The following HSD17B2 variants were observed in gnomAD, a reference collection of about 807,000 sequenced individuals.
The protein encoded by HSD17B2 is hydroxysteroid 17-beta dehydrogenase 2, also known as 17-beta-hydroxysteroid dehydrogenase type 2.
Under a neutral mutation model 26.9 loss-of-function variants are expected in HSD17B2, and 32 were observed. The observed-to-expected ratio is 1.19, with a 90% CI of 0.90 to 1.60. The LOEUF is 1.60. Ranked by LOEUF, HSD17B2 falls within the 40% of genes most tolerant of loss-of-function variation. The probability of loss-of-function intolerance (pLI) is 0.00; values close to 1 mark genes in which losing one functional copy is unlikely to be tolerated. For missense variants in HSD17B2, 613 were observed against 468.6 expected (o/e 1.31, Z -2.85); for synonymous variants, 246 against 186.7 (o/e 1.32, Z -2.59).
At chr16:82,040,777 G>T (rs1295074970) in intron 1 of HSD17B2, among the ~76,000 whole-genome samples, 1 of 152,190 alleles carries the variant, frequency 6.6e-6, no homozygotes, top group Non-Finnish European at 1.5e-5. Flanking sequence ...TGCTAAGCTT[G>T]ACTTCAGAAC....
intron 1 of HSD17B2, among the ~76,000 whole-genome samples, chr16:82,050,186 C>G (rs1006385912): frequency 2.0e-5 from 3 of 152,204 alleles, no homozygotes; most frequent in African/African-American, 7.2e-5. Flanking sequence ...GCTTTATATG[C>G]TTGAAACTGA....
intron 1 of HSD17B2, among the ~76,000 whole-genome samples, chr16:82,063,548 C>CA (rs200549604): frequency 2.1e-3 from 317 of 150,384 alleles, no homozygotes; most frequent in Middle Eastern, 3.4e-3. Context: ...TACTGCCAAA[C>CA]AAAAAAAAAC....
At chr16:82,095,311 GGA>G (rs1451162674) in intron 4 of HSD17B2, 4 of 152,196 alleles carry the variant, frequency 2.6e-5, no homozygotes, top group African/African-American at 9.7e-5. Context: ...TGAAAAGAAA[GGA>G]GCAATTGAAA....
intron 3 of HSD17B2, 94 bp downstream of exon 3, chr16:82,071,221 A>G (rs1914691404): frequency 8.1e-7 from 1 of 1,227,034 alleles, no homozygotes; most frequent in Non-Finnish European, 1.2e-6. Context: ...CAGGGCATGC[A>G]AAGGCAGGGT....
intron 4 of HSD17B2, chr16:82,092,404 G>C (rs189520581): frequency 1.3e-5 from 2 of 152,162 alleles, no homozygotes; most frequent in African/African-American, 4.8e-5. Flanking sequence ...TGATTCAAGT[G>C]AAGATGTAAA....
chr16:82,057,949 G>A (rs138298036), intron 1 of HSD17B2, among the ~76,000 whole-genome samples: 45 of 152,116 alleles, frequency 3.0e-4, no homozygotes, highest in Non-Finnish European at 4.7e-4. Flanking sequence ...AAGGACATTA[G>A]GTAAAAGTAA....
chr16:82,068,143 A>C, intron 1 of HSD17B2, 27 bp from the exon 2 acceptor site: 1 of 1,599,594 alleles, frequency 6.3e-7, no homozygotes, highest in South Asian at 1.1e-5. Context: ...GTTTGACCTC[A>C]CTCCCTACTC....
At chr16:82,050,530 T>A (rs1914077405) in intron 1 of HSD17B2, among the ~76,000 whole-genome samples, 1 of 152,162 alleles carries the variant, frequency 6.6e-6, no homozygotes. Flanking sequence ...AGGTTGAGTG[T>A]CTTTTTCTGG....
chr16:82,096,487 G>A (rs1046289065), intron 4 of HSD17B2: 1 of 151,988 alleles, frequency 6.6e-6, no homozygotes, highest in African/African-American at 2.4e-5. Context: ...GCCTCCCAAA[G>A]TGCTGGGATT....
chr16:82,082,306 G>A (rs1356289323), intron 3 of HSD17B2, among the ~76,000 whole-genome samples: 1 of 152,024 alleles, frequency 6.6e-6, no homozygotes, highest in South Asian at 2.1e-4. Context: ...TTTGGGCAGA[G>A]GTAGCCAGAG....
At chr16:82,088,272 G>T (rs1904585161) in intron 3 of HSD17B2, among the ~76,000 whole-genome samples, 1 of 152,138 alleles carries the variant, frequency 6.6e-6, no homozygotes, top group African/African-American at 2.4e-5. Flanking sequence ...TTGGGCTATT[G>T]AGATATTATT....
At chr16:82,047,605 G>A (rs1421139055) in intron 1 of HSD17B2, among the ~76,000 whole-genome samples, 1 of 152,208 alleles carries the variant, frequency 6.6e-6, no homozygotes, top group Non-Finnish European at 1.5e-5. Context: ...GAGGATGTAG[G>A]AGACTGGGGT....
At position 82,062,853 on chromosome 16, in the gene HSD17B2, C is replaced by T. The variant is rs544500390; in HGVS notation, c.266-5317C>T. 8.8e-4 allele frequency among the ~76,000 whole-genome samples: 134 copies of T among 152,358 alleles called. 1 individual carries two copies. The highest frequency in any genetic ancestry group is 2.4e-3 in the African/African-American group (98 of 41,572). On this transcript the variant is annotated intron_variant, in intron 1 of 4. Coordinates refer to ENST00000199936, the MANE Select transcript of HSD17B2 (RefSeq NM_002153.3). ...GAGTATACAATTATTTTCCCCTCTC[C>T]TCAAGGAGTGATTCCTTAGCCACAG...
intron 3 of HSD17B2, among the ~76,000 whole-genome samples, chr16:82,088,615 A>G (rs1904595425): frequency 6.6e-6 from 1 of 152,222 alleles, no homozygotes; most frequent in African/African-American, 2.4e-5. Context: ...GGATTGCCAC[A>G]CAGCCCATGC....
At chr16:82,051,194 G>T (rs892689576) in intron 1 of HSD17B2, among the ~76,000 whole-genome samples, 3 of 152,092 alleles carry the variant, frequency 2.0e-5, no homozygotes, top group Non-Finnish European at 4.4e-5. Flanking sequence ...AGACTATCTT[G>T]ACTATTTCAT....
chr16:82,035,544 C>T lies in HSD17B2; in HGVS notation c.120C>T (p.Cys40=), dbSNP rs768016320. 8 of 1,614,100 alleles carry T rather than the reference C, an allele frequency of 5.0e-6. No homozygotes were observed. Among genetic ancestry groups the T allele is most frequent in the Non-Finnish European group, 5.9e-6 (7 of 1,180,040 alleles). The part of the protein sequence containing the change: ...SSGQLWSWMV[C]LAGLCAVCLL... ...GGCAGCTGTGGAGCTGGATGGTCTG[C>T]CTGGCAGGCCTCTGTGCAGTCTGCC... Residue 40 remains cysteine (C), a synonymous_variant, in exon 1 of 5, where the codon TGC becomes TGT. Coordinates refer to ENST00000199936, the MANE Select transcript of HSD17B2 (RefSeq NM_002153.3).
chr16:82,044,939 G>A lies in HSD17B2; in HGVS notation c.265+9250G>A, dbSNP rs377329862. 6.3e-3 allele frequency among the ~76,000 whole-genome samples: 961 copies of A among 152,034 alleles called. 2 individuals are homozygous for A. The highest frequency in any genetic ancestry group is 9.3e-3 in the Non-Finnish European group (630 of 67,964). On this transcript the variant is annotated intron_variant, in intron 1 of 4. Coordinates refer to ENST00000199936, the MANE Select transcript of HSD17B2 (RefSeq NM_002153.3). ...TCGAGACCAGCCTGGCCAACAGGGC[G>A]AAACCCAATCTCTACTAAAAATACA... is the stretch of plus-strand genomic sequence containing the variant.
intron 1 of HSD17B2, among the ~76,000 whole-genome samples, chr16:82,039,564 A>G (rs985639344): frequency 2.0e-5 from 3 of 152,214 alleles, no homozygotes; most frequent in Non-Finnish European, 2.9e-5. Flanking sequence ...TTTTAAGACC[A>G]GGAAATTACT....
At chr16:82,042,283 G>A (rs1310002848) in intron 1 of HSD17B2, among the ~76,000 whole-genome samples, 1 of 152,162 alleles carries the variant, frequency 6.6e-6, no homozygotes, top group Non-Finnish European at 1.5e-5. Context: ...GGGATTACAG[G>A]CATGAGTCAC....
Sources: gnomAD v4.1 joint callset for allele counts (sites outside exome capture counted in the v4.1 genomes callset) on GRCh38, gnomAD v4.1.1 for gene constraint, MANE v1.5 for transcripts, NCBI Gene and HGNC (gene_info 2026-07-23, HGNC 2026-07-21) for gene names.